CCNY: variants seen among roughly 807,000 people sequenced by gnomAD.
CCNY encodes cyclin-Y.
Under a neutral mutation model 42.8 loss-of-function variants are expected in CCNY, and 19 were observed. The ratio of observed to expected loss-of-function variants is 0.44; its 90% CI spans 0.31 to 0.65. The LOEUF (loss-of-function observed/expected upper bound fraction) is 0.65, where lower values mean the gene tolerates loss of function less well. CCNY is among the 30% of genes least tolerant of loss of function. CCNY has a pLI of 0.07. For synonymous variants in CCNY, 165 were observed against 162.7 expected (o/e 1.01, Z -0.11); for missense variants, 370 against 437.3 (o/e 0.85, Z 1.37).
intron 3 of CCNY, among the ~76,000 whole-genome samples, chr10:35,274,187 C>A (rs1289293075): frequency 6.6e-6 from 1 of 152,146 alleles, no homozygotes; most frequent in Non-Finnish European, 1.5e-5. Context: ...TACATGGTGG[C>A]AGTCAAGGGA....
At chr10:35,513,370 A>G (rs1020319669) in intron 3 of CCNY, among the ~76,000 whole-genome samples, 2 of 152,104 alleles carry the variant, frequency 1.3e-5, no homozygotes, top group Admixed American at 6.5e-5. Context: ...ATTTGGGACA[A>G]TCTTTCTAAA....
intron 8 of CCNY, among the ~76,000 whole-genome samples, chr10:35,561,640 T>TG (rs1231927865): frequency 6.6e-6 from 1 of 152,222 alleles, no homozygotes; most frequent in Non-Finnish European, 1.5e-5. Flanking sequence ...CCCTTCTTCC[T>TG]GGCCTCCTGT....
At chr10:35,520,958 C>T (rs981585743) in intron 4 of CCNY, among the ~76,000 whole-genome samples, 1 of 152,194 alleles carries the variant, frequency 6.6e-6, no homozygotes, top group African/African-American at 2.4e-5. Context: ...CATCAGGGTC[C>T]TTGGCCTCCA....
intron 1 of CCNY, among the ~76,000 whole-genome samples, chr10:35,447,903 T>C (rs923053556): frequency 2.0e-4 from 30 of 152,212 alleles, no homozygotes; most frequent in Non-Finnish European, 3.8e-4. Context: ...AACCAAAAAA[T>C]GTAGGCCTGC....
intron 3 of CCNY, among the ~76,000 whole-genome samples, chr10:35,514,908 T>C (rs998740210): frequency 2.0e-5 from 3 of 152,222 alleles, no homozygotes; most frequent in African/African-American, 7.2e-5. Context: ...AAAAATTCCT[T>C]AAGCATTTTT....
chr10:35,435,487 G>A (rs975345013), intron 1 of CCNY, among the ~76,000 whole-genome samples: 35 of 152,208 alleles, frequency 2.3e-4, no homozygotes, highest in Admixed American at 2.0e-3. Context: ...GCCCATCTGC[G>A]TGGAGGACTG....
At chr10:35,548,734 G>T (rs1423190930) in intron 7 of CCNY, among the ~76,000 whole-genome samples, 2 of 152,170 alleles carry the variant, frequency 1.3e-5, no homozygotes, top group African/African-American at 2.4e-5. Flanking sequence ...AGCGAAAGAG[G>T]TGGAGAAGGT....
At chr10:35,510,770 C>T (rs1840310213) in intron 3 of CCNY, among the ~76,000 whole-genome samples, 1 of 152,110 alleles carries the variant, frequency 6.6e-6, no homozygotes, top group South Asian at 2.1e-4. Context: ...AGGTGATAGG[C>T]TTATACATTT....
intron 3 of CCNY, among the ~76,000 whole-genome samples, chr10:35,292,746 T>TGC (rs1176126806): frequency 6.6e-6 from 1 of 151,268 alleles, no homozygotes; most frequent in African/African-American, 2.4e-5. Flanking sequence ...AAGAAACCAG[T>TGC]GCCTAATGTT....
chr10:35,502,120 C>T (rs1432201686), intron 3 of CCNY, among the ~76,000 whole-genome samples: 1 of 152,176 alleles, frequency 6.6e-6, no homozygotes, highest in Admixed American at 6.5e-5. Flanking sequence ...GGTGCAGGTG[C>T]CCCATTGAGA....
intron 1 of CCNY, among the ~76,000 whole-genome samples, chr10:35,462,304 A>G (rs1016131493): frequency 6.6e-6 from 1 of 152,220 alleles, no homozygotes; most frequent in African/African-American, 2.4e-5. Context: ...CTGGCTCACC[A>G]GTGGCAGAAG....
Position 35,553,190 on chromosome 10 carries a change from G to A in CCNY, c.746+5G>A. 1 of 1,613,090 alleles carries A rather than the reference G, an allele frequency of 6.2e-7. No individual in the cohort carries two copies. The highest frequency in any genetic ancestry group is 8.5e-7 in the Non-Finnish European group (1 of 1,179,102). On this transcript the variant is annotated splice_donor_5th_base_variant and intron_variant, in intron 8 of 9. Coordinates refer to ENST00000374704, the MANE Select transcript of CCNY (RefSeq NM_145012.6). Reference sequence around the variant, plus strand: ...AGACATCACGGTGGAGGACATGTGAGTTGGGGGGCAGAGGGTGTTGGTCAT... The same window carrying A: ...AGACATCACGGTGGAGGACATGTGAATTGGGGGGCAGAGGGTGTTGGTCAT...
intron 7 of CCNY, among the ~76,000 whole-genome samples, chr10:35,531,879 C>T (rs1046506736): frequency 6.6e-6 from 1 of 152,240 alleles, no homozygotes; most frequent in African/African-American, 2.4e-5. Context: ...CTTGAGAGAA[C>T]ATCTAACAGG....
chr10:35,569,022 C>T, intron 9 of CCNY, 32 bp from the exon 10 acceptor site: 1 of 1,438,916 alleles, frequency 6.9e-7, no homozygotes, highest in Non-Finnish European at 9.8e-7. Context: ...ATATGGCCCG[C>T]CCTGACCCAC....
intron 3 of CCNY, among the ~76,000 whole-genome samples, chr10:35,316,944 C>T (rs1835767184): frequency 6.6e-6 from 1 of 152,156 alleles, no homozygotes; most frequent in Admixed American, 6.6e-5. Context: ...CTCTTGGGTT[C>T]AAGTGATTCT....
chr10:35,474,537 A>G (rs1468171681), intron 1 of CCNY, among the ~76,000 whole-genome samples: 1 of 152,156 alleles, frequency 6.6e-6, no homozygotes, highest in African/African-American at 2.4e-5. Flanking sequence ...GCAGGGGCAC[A>G]CTGACACCTC....
chr10:35,346,077 A>G (rs531538721), intron 1 of CCNY, among the ~76,000 whole-genome samples: 1 of 152,346 alleles, frequency 6.6e-6, no homozygotes, highest in African/African-American at 2.4e-5. Flanking sequence ...TTCAAAGAAT[A>G]GGATTTTGAG....
At position 35,553,141 on chromosome 10, in the gene CCNY, T is replaced by C. The variant is rs750155432; in HGVS notation, c.702T>C (p.Asn234=). The change falls in exon 8 of 10, where the codon AAT becomes AAC. Residue 234 remains asparagine, a synonymous_variant. Coordinates refer to ENST00000374704, the MANE Select transcript of CCNY (RefSeq NM_145012.6). ...TGTGGGATGACCAGGCTGTATGGAA[T>C]GTGGATTACTGCCAGATCCTGAAAG... ...SKVWDDQAVW[N]VDYCQILKDI... The C allele has an allele frequency of 1.1e-4, 179 of 1,614,056 alleles. No homozygotes were observed. Among genetic ancestry groups the C allele is most frequent in the Non-Finnish European group, 1.4e-4 (167 of 1,180,050 alleles).
intron 1 of CCNY, among the ~76,000 whole-genome samples, chr10:35,364,583 A>G (rs1422208185): frequency 6.6e-6 from 1 of 152,216 alleles, no homozygotes; most frequent in African/African-American, 2.4e-5. Flanking sequence ...AAGAGATGAC[A>G]TACTTATTTA....
Sources: gnomAD v4.1 joint callset for allele counts (sites outside exome capture counted in the v4.1 genomes callset) on GRCh38, gnomAD v4.1.1 for gene constraint, MANE v1.5 for transcripts, NCBI Gene and HGNC (gene_info 2026-07-23, HGNC 2026-07-21) for gene names.